The following ARHGAP15 variants were observed in gnomAD, a reference collection of about 807,000 sequenced individuals.
ARHGAP15 encodes the protein Rho GTPase activating protein 15.
In ARHGAP15, 51 loss-of-function variants were observed where a neutral mutation model predicts 63.7. The ratio of observed to expected loss-of-function variants is 0.80; its 90% CI spans 0.64 to 1.01. The LOEUF is 1.01. Among genes scored for constraint, ARHGAP15 ranks in the 50% least tolerant of loss-of-function variants. The probability of loss-of-function intolerance (pLI) is 0.00; values close to 1 mark genes in which losing one functional copy is unlikely to be tolerated. For synonymous variants in ARHGAP15, 191 were observed against 193.8 expected (o/e 0.99, Z 0.12); for missense variants, 560 against 564.6 (o/e 0.99, Z 0.08).
chr2:143,330,120 AAAAAAAAAAAACCAAAAAC>A (rs1684465400), intron 6 of ARHGAP15, among the ~76,000 whole-genome samples: 8 of 88,426 alleles, frequency 9.0e-5, no homozygotes, highest in Admixed American at 1.2e-4. Flanking sequence ...AAAAAAAAAA[AAAAAAAAAAAACCAAAAAC>A]AAAAAACTAA....
At chr2:143,339,650 C>A (rs941088221) in intron 6 of ARHGAP15, among the ~76,000 whole-genome samples, 3 of 152,116 alleles carry the variant, frequency 2.0e-5, no homozygotes, top group Admixed American at 6.6e-5. Context: ...ATGTGAAACC[C>A]AGACCTCTGT....
chr2:143,707,457 T>TGAC (rs1684381585), intron 13 of ARHGAP15, among the ~76,000 whole-genome samples: 1 of 152,210 alleles, frequency 6.6e-6, no homozygotes, highest in Admixed American at 6.5e-5. Flanking sequence ...GGAAAGAAGA[T>TGAC]GACGAGGTTG....
At chr2:143,565,494 A>G (rs1696185195) in intron 11 of ARHGAP15, among the ~76,000 whole-genome samples, 1 of 152,104 alleles carries the variant, frequency 6.6e-6, no homozygotes, top group South Asian at 2.1e-4. Context: ...TCTTATACAA[A>G]CCAACTCTAT....
At chr2:143,594,471 G>A (rs1037392575) in intron 11 of ARHGAP15, among the ~76,000 whole-genome samples, 1 of 152,154 alleles carries the variant, frequency 6.6e-6, no homozygotes, top group African/African-American at 2.4e-5. Context: ...ATTGGAAAAT[G>A]ACAAAGGGGT....
intron 6 of ARHGAP15, among the ~76,000 whole-genome samples, chr2:143,300,123 C>T (rs1462980475): frequency 6.6e-6 from 1 of 151,874 alleles, no homozygotes; most frequent in Non-Finnish European, 1.5e-5. Flanking sequence ...TTCAAAGGGG[C>T]ATAAAGTCTG....
chr2:143,739,102 A>G (rs1304745873), intron 13 of ARHGAP15, among the ~76,000 whole-genome samples: 1 of 152,148 alleles, frequency 6.6e-6, no homozygotes, highest in Non-Finnish European at 1.5e-5. Flanking sequence ...AGACTGACCC[A>G]GTGATGAGGC....
intron 2 of ARHGAP15, among the ~76,000 whole-genome samples, chr2:143,168,831 A>T (rs1336467246): frequency 6.6e-6 from 1 of 152,056 alleles, no homozygotes; most frequent in Non-Finnish European, 1.5e-5. Context: ...AGACTTTTAA[A>T]CTTTGTTAGA....
At chr2:143,192,781 C>T (rs554341926) in intron 2 of ARHGAP15, among the ~76,000 whole-genome samples, 1 of 152,266 alleles carries the variant, frequency 6.6e-6, no homozygotes, top group South Asian at 2.1e-4. Context: ...GTTCTTTTTG[C>T]CTGATTTATT....
At chr2:143,448,959 T>TA in intron 8 of ARHGAP15, among the ~76,000 whole-genome samples, 1 of 152,184 alleles carries the variant, frequency 6.6e-6, no homozygotes, top group East Asian at 1.9e-4. Flanking sequence ...CCTACTCATA[T>TA]AAAAGAGCTA....
At position 143,717,971 on chromosome 2, in the gene ARHGAP15, G is replaced by A. The variant is rs537012255; in HGVS notation, c.1244+14447G>A. On this transcript the variant is annotated intron_variant, in intron 13 of 13. Coordinates refer to ENST00000295095, the MANE Select transcript of ARHGAP15 (RefSeq NM_018460.4). ...ATGGTAGCCCACGCAACAGGAAGCC[G>A]TGACAAGGTGCTGACAAGTCCGGCA... Among the ~76,000 whole-genome samples the A allele has an allele frequency of 1.5e-3, 225 of 151,918 alleles. 1 individual carries two copies. The highest frequency in any genetic ancestry group is 3.3e-3 in the African/African-American group (137 of 41,404).
In ARHGAP15 at chr2:143,291,520, T is replaced by C. The variant is rs138269580; in HGVS notation, c.474+40920T>C. Among the ~76,000 whole-genome samples the C allele has an allele frequency of 2.0e-5, 3 of 152,178 alleles. No individual in the cohort carries two copies. The East Asian group carries it at 5.8e-4, about 29-fold the overall frequency. ...TATGATTGTTCAAAATCAAATGTTATAGTTTTTTCTCTAATTCTAAAGTAC... is the reference window on the plus strand; with the variant it reads ...TATGATTGTTCAAAATCAAATGTTACAGTTTTTTCTCTAATTCTAAAGTAC... On this transcript the variant is annotated intron_variant, in intron 6 of 13. Transcript: ENST00000295095.
chr2:143,514,979 A>C (rs1038873507), intron 9 of ARHGAP15, among the ~76,000 whole-genome samples: 6 of 152,142 alleles, frequency 3.9e-5, no homozygotes, highest in Non-Finnish European at 8.8e-5. Flanking sequence ...GAAAATAAAC[A>C]CTGCACACTC....
chr2:143,174,501 C>T (rs1040504511), intron 2 of ARHGAP15, among the ~76,000 whole-genome samples: 3 of 152,042 alleles, frequency 2.0e-5, no homozygotes, highest in Admixed American at 6.6e-5. Flanking sequence ...AAATTTTCTC[C>T]TTTTTTGTTG....
intron 2 of ARHGAP15, among the ~76,000 whole-genome samples, chr2:143,165,986 G>C (rs1273673034): frequency 5.8e-5 from 7 of 121,096 alleles, no homozygotes; most frequent in African/African-American, 1.6e-4. Context: ...AAGAAAGAAA[G>C]AAAGAAAGAA....
chr2:143,508,036 C>T (rs746125230), intron 9 of ARHGAP15, among the ~76,000 whole-genome samples: 1 of 151,508 alleles, frequency 6.6e-6, no homozygotes, highest in Non-Finnish European at 1.5e-5. Context: ...TGTCACCCCC[C>T]CCTCCTCCAT....
intron 6 of ARHGAP15, among the ~76,000 whole-genome samples, chr2:143,278,097 A>G (rs1485866477): frequency 3.3e-5 from 5 of 152,170 alleles, no homozygotes; most frequent in African/African-American, 1.2e-4. Flanking sequence ...ATGCCAAGAT[A>G]AAAACAGTGC....
chr2:143,159,685 A>C (rs570181528), intron 2 of ARHGAP15, among the ~76,000 whole-genome samples: 72 of 152,062 alleles, frequency 4.7e-4, no homozygotes, highest in Admixed American at 7.9e-4. Flanking sequence ...TGTAACAGTA[A>C]CACTTTGCAT....
intron 12 of ARHGAP15, among the ~76,000 whole-genome samples, chr2:143,642,267 T>A (rs889209868): frequency 9.9e-5 from 15 of 152,178 alleles, no homozygotes; most frequent in African/African-American, 2.6e-4. Context: ...GATTTTTTTT[T>A]ATGTATAAGA....
At chr2:143,283,756 CTT>C (rs1681967973) in intron 6 of ARHGAP15, among the ~76,000 whole-genome samples, 1 of 152,168 alleles carries the variant, frequency 6.6e-6, no homozygotes, top group Non-Finnish European at 1.5e-5. Context: ...TTTCATCACT[CTT>C]TCTCTTCAAA....
Sources: allele counts gnomAD v4.1 joint callset (sites outside exome capture counted in the v4.1 genomes callset), GRCh38; gene constraint gnomAD v4.1.1; transcripts MANE v1.5; gene names NCBI Gene and HGNC (gene_info 2026-07-23, HGNC 2026-07-21).